Variants in NEB observed in about 807,000 individuals in gnomAD.
The protein encoded by NEB is nebulin.
In NEB, 512 loss-of-function variants were observed where a neutral mutation model predicts 952.2. The observed-to-expected ratio is 0.54, with a 90% confidence interval of 0.50 to 0.58. NEB has a LOEUF of 0.58. Among genes scored for constraint, NEB ranks in the 20% least tolerant of loss-of-function variants. NEB has a pLI of 0.00. For missense variants in NEB, 8,428 were observed against 9,231.1 expected (o/e 0.91, Z 3.56); for synonymous variants, 2,900 against 3,149.8 (o/e 0.92, Z 2.66).
At chr2:151,550,320 G>A (rs1353809310) in intron 129 of NEB, among the ~76,000 whole-genome samples, 2 of 147,214 alleles carry the variant, frequency 1.4e-5, no homozygotes, top group Admixed American at 1.4e-4. Context: ...CCAAACATAT[G>A]CCCAGTTGGC....
At chr2:151,506,080 C>G in intron 164 of NEB, 86 bp downstream of exon 164, 3 of 1,162,884 alleles carry the variant, frequency 2.6e-6, no homozygotes, top group Non-Finnish European at 3.9e-6. Flanking sequence ...TTTCTGGTGA[C>G]AGAGGCTTTG....
rs773312896 is a variant in NEB at position 151,576,105 on chromosome 2, C to T, written c.16908+46G>A. On this transcript the variant is annotated intron_variant, in intron 106 of 181. Coordinates refer to ENST00000397345, the MANE Select transcript of NEB (RefSeq NM_001164508.2). ...AATGACCAGGTTTATTCTTTCTCAT[C>T]TATTTATGGCATTAATTCAATTTTA... 2.7e-5 allele frequency: 37 copies of T among 1,372,428 alleles called. No homozygotes were observed. In the East Asian group the frequency reaches 8.7e-4, roughly 32 times the overall value. The allele number at this position is 1,372,428 out of a possible 1,614,324, so 85.0% of individuals were successfully genotyped here.
chr2:151,503,304 A>G, intron 166 of NEB, 45 bp downstream of exon 166: 1 of 1,430,404 alleles, frequency 7.0e-7, no homozygotes, highest in Non-Finnish European at 9.8e-7. Flanking sequence ...ATTGTGGTAA[A>G]TTTTTTATGG....
rs2154027763 is a variant in NEB at position 151,620,948 on chromosome 2, C to A, written c.10531G>T (p.Ala3511Ser). The A allele has an allele frequency of 5.0e-6, 8 of 1,612,578 alleles. No homozygotes were observed. Among genetic ancestry groups the A allele is most frequent in the African/African-American group, 1.3e-5 (1 of 75,050 alleles). The part of the protein sequence containing the change: ...LRSDAIPIVA[A>S]KASRDIASDY... ...CTGGCAATATCCCGAGAGGCCTTGG[C>A]AGCCACAATGGGAATGGCATCACTT... Residue 3511 changes from alanine (A) to serine (S), a missense_variant, in exon 72 of 182, where the codon GCC (alanine) becomes TCC (serine). Ala to Ser is a moderately conservative substitution (Grantham distance 99, BLOSUM62 1). Coordinates refer to ENST00000397345, the MANE Select transcript of NEB (RefSeq NM_001164508.2).
rs189269744 is a variant in NEB at position 151,723,646 on chromosome 2, A to C, written c.613-160T>G. Among the ~76,000 whole-genome samples, 212 of 152,028 alleles carry C rather than the reference A, an allele frequency of 1.4e-3. 2 individuals carry two copies. Among genetic ancestry groups the C allele is most frequent in the African/African-American group, 5.0e-3 (208 of 41,474 alleles). ...TAACTTCCCACTTTCCATCCAACCC[A>C]AGTCATTTTTACTGATAGCATGCCC... On this transcript the variant is annotated intron_variant, in intron 8 of 181. Transcript: ENST00000397345.
chr2:151,611,173 T>C (rs1220223404), intron 78 of NEB, among the ~76,000 whole-genome samples: 1 of 152,228 alleles, frequency 6.6e-6, no homozygotes, highest in African/African-American at 2.4e-5. Flanking sequence ...ATCTCAGTTA[T>C]GGAACTATGA....
At chr2:151,616,584 C>T (rs370560106) in intron 75 of NEB, among the ~76,000 whole-genome samples, 3 of 152,096 alleles carry the variant, frequency 2.0e-5, no homozygotes, top group African/African-American at 7.2e-5. Flanking sequence ...ATCCCAGTTA[C>T]TCGGGAGGCT....
chr2:151,524,180 C>A, intron 153 of NEB, 131 bp downstream of exon 153: 1 of 743,564 alleles, frequency 1.3e-6, no homozygotes, highest in South Asian at 1.8e-5. Flanking sequence ...CTTTTTATAA[C>A]TCTTGGAAGC....
intron 39 of NEB, 112 bp from the exon 40 acceptor site, chr2:151,668,023 A>C (rs1160894823): frequency 1.3e-6 from 1 of 754,098 alleles, no homozygotes; most frequent in African/African-American, 1.8e-5. Context: ...TTCTATTAAG[A>C]CAATCTATGA....
rs1238663844 is a variant in NEB, at chr2:151,552,712, A to G, written c.19796T>C (p.Val6599Ala). The change falls in exon 128 of 182, where the codon GTC (valine) becomes GCC (alanine). Residue 6599 changes from valine (V) to alanine (A), a missense_variant. Physicochemically the swap from Val to Ala is moderately conservative, Grantham distance 64. Transcript: ENST00000397345. ...NDYKLVTDTPVYVQAVKSGKQ... is the reference protein window; with the variant it reads ...NDYKLVTDTPAYVQAVKSGKQ... The stretch of plus-strand genomic sequence containing the variant: ...CCCACTTTTGACAGCCTGCACGTAG[A>G]CTGGTGTATCTGTGACAAGCTTGTA... 1.2e-6 allele frequency: 2 copies of G among 1,613,270 alleles called. No homozygotes were observed. The highest frequency in any genetic ancestry group is 1.1e-5 in the South Asian group (1 of 91,028).
Position 151,526,939 on chromosome 2 carries a change from C to T in NEB, c.21924G>A (p.Arg7308=). 6.3e-7 allele frequency: 1 copy of T among 1,598,502 alleles called. No homozygotes were observed. Among genetic ancestry groups the T allele is most frequent in the Non-Finnish European group, 8.5e-7 (1 of 1,171,078 alleles). Residue 7308 remains arginine (R), a synonymous_variant, in exon 148 of 182, where the codon AGG becomes AGA. Transcript: ENST00000397345. ...TDDKNTVLAL[R]NTLIESDLKY... Reference sequence around the variant, plus strand: ...TTACATCACTTTCTATTAAAGTATTCCTGAGGGCGAGCACCGTGTTTTTGT... The same window carrying T: ...TTACATCACTTTCTATTAAAGTATTTCTGAGGGCGAGCACCGTGTTTTTGT...
chr2:151,491,523 A>C (rs531537640), intron 179 of NEB, 160 bp downstream of exon 179: 4 of 595,880 alleles, frequency 6.7e-6, no homozygotes, highest in Non-Finnish European at 1.2e-5. Context: ...CTAGAAAGTA[A>C]GTTTTGCTCA....
chr2:151,627,046 G>C lies in NEB; in HGVS notation c.10303C>G (p.Leu3435Val), dbSNP rs768451216. The C allele has an allele frequency of 6.2e-7, 1 of 1,613,956 alleles. No homozygotes were observed. The highest frequency in any genetic ancestry group is 1.1e-5 in the South Asian group (1 of 91,086). ...TTGTTCTTGGCCAGCACCTGCTCTA[G>C]AGAGTCAGTCACACTGGTAAATTTC... ...KLKFTSVTDS[L>V]EQVLAKNNAL... The change falls in exon 70 of 182, where the codon CTA (leucine) becomes GTA (valine). Residue 3435 changes from leucine (L) to valine (V), a missense_variant. Physicochemically the swap from Leu to Val is conservative, Grantham distance 32. Around this residue, in one of 11 missense-constraint regions of NEB, gnomAD observed 1,772 missense variants for 1,960.3 expected, o/e 0.90. Coordinates refer to ENST00000397345, the MANE Select transcript of NEB (RefSeq NM_001164508.2).
Position 151,563,633 on chromosome 2 carries a change from A to T in NEB, c.18666T>A (p.Cys6222Ter). 6.2e-7 allele frequency: 1 copy of T among 1,613,828 alleles called. No individual in the cohort carries two copies. The highest frequency in any genetic ancestry group is 1.3e-5 in the African/African-American group (1 of 75,014). Residue 6222 changes from cysteine (C) to a stop codon, truncating the protein, a stop_gained, in exon 119 of 182, where the codon TGT becomes TGA. Coordinates refer to ENST00000397345, the MANE Select transcript of NEB (RefSeq NM_001164508.2). LOFTEE classifies it high-confidence loss of function. ...VIGEFPGVVH[C>*]LDFQKMRSAL... ...CACTCCTCATCTTTTGGAAATCCAG[A>T]CAGTGAACCACACCAGGGAATTCAC...
intron 119 of NEB, 67 bp downstream of exon 119, chr2:151,563,539 T>A: frequency 7.2e-7 from 1 of 1,383,478 alleles, no homozygotes; most frequent in Middle Eastern, 1.8e-4. Context: ...GGGCAAGTTA[T>A]AAACAGGCAG....
At chr2:151,727,628 T>G in intron 5 of NEB, 63 bp downstream of exon 5, 32 of 1,472,082 alleles carry the variant, frequency 2.2e-5, no homozygotes, top group Non-Finnish European at 2.9e-5. Flanking sequence ...CAAAACAGAG[T>G]GAGTTGAGAT....
chr2:151,548,678 A>G (rs2095013360), intron 130 of NEB, among the ~76,000 whole-genome samples: 1 of 152,240 alleles, frequency 6.6e-6, no homozygotes, highest in South Asian at 2.1e-4. Context: ...GCAAAATGCC[A>G]GAGAAAAATC....
At chr2:151,541,692 C>T in intron 135 of NEB, 141 bp from the exon 136 acceptor site, 1 of 638,696 alleles carries the variant, frequency 1.6e-6, no homozygotes, top group South Asian at 2.0e-5. Flanking sequence ...ATAAACCAAC[C>T]TTTTATTTAC....
intron 9 of NEB, among the ~76,000 whole-genome samples, chr2:151,717,931 G>A (rs1284844219): frequency 6.8e-6 from 1 of 147,874 alleles, no homozygotes; most frequent in African/African-American, 2.5e-5. Context: ...TCGGCTCACT[G>A]CAAGCTCCGC....
Sources: gnomAD v4.1 joint callset for allele counts (sites outside exome capture counted in the v4.1 genomes callset) on GRCh38, gnomAD v4.1.1 for gene constraint, gnomAD v4.1.1 regional missense constraint, MANE v1.5 for transcripts, NCBI Gene and HGNC (gene_info 2026-07-23, HGNC 2026-07-21) for gene names.